GPAT2: variants seen among roughly 807,000 people sequenced by gnomAD.
The protein encoded by GPAT2 is glycerol-3-phosphate acyltransferase 2, mitochondrial.
A neutral mutation model predicts 71.0 loss-of-function variants in GPAT2; 51 were observed. That is an observed-to-expected ratio of 0.72 (90% CI 0.57 to 0.91). GPAT2 has a LOEUF of 0.91. Ranked by LOEUF, GPAT2 falls within the 40% of genes least tolerant of loss-of-function variation. The pLI is 0.00. For synonymous variants in GPAT2, 222 were observed against 290.3 expected (o/e 0.76, Z 2.39); for missense variants, 511 against 666.0 (o/e 0.77, Z 2.56).
chr2:96,025,815 C>G (rs1312308676), intron 12 of GPAT2, 115 bp downstream of exon 12: 2 of 1,256,266 alleles, frequency 1.6e-6, no homozygotes, highest in East Asian at 4.7e-5. Context: ...TTCTAGATGA[C>G]CCCAGGATAC....
rs957557693 is a variant in GPAT2 at position 96,024,107 on chromosome 2, G to A, written c.1836+82C>T. On this transcript the variant is annotated intron_variant, in intron 16 of 21. Transcript: ENST00000434632. ...ACCTACTACCCAGGAGGTTTCAGAG[G>A]TAGAGCATGGGCAGGGATGGGCCAT... The A allele has an allele frequency of 1.3e-5, 21 of 1,571,544 alleles. No homozygotes were observed. In the African/African-American group the frequency reaches 1.8e-4, roughly 13 times the overall value.
rs1435591348 is a variant in GPAT2 at position 96,023,194 on chromosome 2, A to G, written c.2079T>C (p.Phe693=). 4 of 1,602,686 alleles carry G rather than the reference A, an allele frequency of 2.5e-6. No individual in the cohort carries two copies. The East Asian group carries it at 9.0e-5, about 36-fold the overall frequency. The change falls in exon 19 of 22, where the codon TTT becomes TTC. Residue 693 remains phenylalanine, a synonymous_variant. Transcript: ENST00000434632. ...GGCTGAGCAGGCGGCAGAGGAAAAG[A>G]AAGAAATCTGGGCAGTGTGACTGCT... ...LSQQSHCPDF[F]LFLCRLLSPL... is the part of the protein sequence containing the mutation.
At chr2:96,033,782 T>C (rs1680827060) in intron 1 of GPAT2, among the ~76,000 whole-genome samples, 1 of 122,896 alleles carries the variant, frequency 8.1e-6, no homozygotes, top group African/African-American at 3.1e-5. Flanking sequence ...GTCTGTCCCC[T>C]AGCTGCAGAC....
Position 96,023,977 on chromosome 2 carries a change from G to A in GPAT2, c.1860C>T (p.Tyr620=). Residue 620 remains tyrosine (Y), a synonymous_variant, in exon 17 of 22, where the codon TAC becomes TAT. Coordinates refer to ENST00000434632, the MANE Select transcript of GPAT2 (RefSeq NM_001321527.2). ...TGAGCCGGTCCAGCACCTCCTGACA[G>A]TAGCAGTAGGAAGACTGGCAGGGCT... The part of the protein sequence containing the change: ...LLKPCQSSYC[Y]CQEVLDRLIQ... 1 of 1,605,490 alleles carries A rather than the reference G, an allele frequency of 6.2e-7. No homozygotes were observed.
At chr2:96,025,751 C>T in intron 12 of GPAT2, 148 bp from the exon 13 acceptor site, 2 of 1,361,528 alleles carry the variant, frequency 1.5e-6, no homozygotes, top group South Asian at 1.3e-5. Flanking sequence ...CCCATCCAGG[C>T]CTCTGTGCCA....
In GPAT2 at chr2:96,023,948, T is replaced by C. The variant is rs1212041101; in HGVS notation, c.1889A>G (p.Gln630Arg). 1.6e-5 allele frequency: 26 copies of C among 1,605,874 alleles called. No homozygotes were observed. Among genetic ancestry groups the C allele is most frequent in the Non-Finnish European group, 1.9e-5 (22 of 1,176,638 alleles). ...YCQEVLDRLI[Q>R]CGLLVAEETP... ...CTCCTCAGCAACCAGGAGCCCGCAT[T>C]GGATGAGCCGGTCCAGCACCTCCTG... Residue 630 changes from glutamine (Q) to arginine (R), a missense_variant, in exon 17 of 22, where the codon CAA becomes CGA. Gln to Arg is a conservative substitution (Grantham distance 43). This residue lies in a region of GPAT2 where 295 missense variants were observed against 305.5 expected (regional missense o/e 0.97). Transcript: ENST00000434632.
Position 96,026,350 on chromosome 2 carries a change from C to T in GPAT2, c.1033-45G>A. The T allele has an allele frequency of 4.2e-6, 6 of 1,432,124 alleles. No homozygotes were observed. The South Asian group carries it at 8.8e-5, about 21-fold the overall frequency. The allele number at this position is 1,432,124 out of a possible 1,614,324, so 88.7% of individuals were successfully genotyped here. A position where few individuals can be genotyped will look rare whatever the true frequency, so the allele number is the denominator to read the frequency against. On this transcript the variant is annotated intron_variant, in intron 10 of 21. Coordinates refer to ENST00000434632, the MANE Select transcript of GPAT2 (RefSeq NM_001321527.2). ...AACTATACTCGCCGAGGACACTGCT[C>T]TCGGGCGGACATCAGGGCTGCCCAC...
chr2:96,025,275 G>A (rs1306925708), intron 13 of GPAT2: 14 of 657,238 alleles, frequency 2.1e-5, no homozygotes, highest in Non-Finnish European at 3.0e-5. Context: ...CACCATCTTT[G>A]TGCATGCACT....
Position 96,026,182 on chromosome 2 carries a change from C to T in GPAT2, c.1155+1G>A. 3 of 1,604,010 alleles carry T rather than the reference C, an allele frequency of 1.9e-6. No homozygotes were observed. The highest frequency in any genetic ancestry group is 2.2e-5 in the East Asian group (1 of 44,732). On this transcript the variant is annotated splice_donor_variant, in intron 11 of 21. Coordinates refer to ENST00000434632, the MANE Select transcript of GPAT2 (RefSeq NM_001321527.2). LOFTEE classifies it high-confidence loss of function. ...CCAGCCTTCCCCAGCTGGCTCCATA[C>T]CTGCAGGGAAAAGGGCTGAGCTAGG...
chr2:96,023,577 A>G, intron 17 of GPAT2, 137 bp from the exon 18 acceptor site: 1 of 921,186 alleles, frequency 1.1e-6, no homozygotes. Flanking sequence ...ATGCCCCAGC[A>G]CCTGCTGGGC....
chr2:96,023,097 G>A lies in GPAT2; in HGVS notation c.2167+9C>T. 1 of 1,613,266 alleles carries A rather than the reference G, an allele frequency of 6.2e-7. No homozygotes were observed. Among genetic ancestry groups the A allele is most frequent in the Non-Finnish European group, 8.5e-7 (1 of 1,179,330 alleles). ...TGCCTCGAGGACTGCAAGGGAACAAGGGCCTCACCAGTATCGGGCAGCTGG... is the reference window on the plus strand; with the variant it reads ...TGCCTCGAGGACTGCAAGGGAACAAAGGCCTCACCAGTATCGGGCAGCTGG... On this transcript the variant is annotated intron_variant, in intron 19 of 21. Coordinates refer to ENST00000434632, the MANE Select transcript of GPAT2 (RefSeq NM_001321527.2).
At position 96,022,178 on chromosome 2, in the gene GPAT2, C is replaced by T. The variant is rs527435241; in HGVS notation, c.2387G>A (p.Arg796Gln). The T allele has an allele frequency of 2.5e-5, 41 of 1,610,826 alleles. No individual in the cohort carries two copies. Among genetic ancestry groups the T allele is most frequent in the Admixed American group, 2.2e-4 (13 of 59,898 alleles). The change falls in exon 22 of 22, where the codon CGG (arginine) becomes CAG (glutamine). Residue 796 changes from arginine (R) to glutamine (Q), a missense_variant. By Grantham distance (43) the Arg-to-Gln change is conservative. This residue lies in a region of GPAT2 where 108 missense variants were observed against 117.6 expected (regional missense o/e 0.92). Coordinates refer to ENST00000434632, the MANE Select transcript of GPAT2 (RefSeq NM_001321527.2). ...DNQEKLEQFI[R>Q]QFICS ...ACAGTTCTAGCTACAAATGAACTGC[C>T]GGATGAACTGTTCTAGTTTTTCCTG...
At chr2:96,023,475 T>C (rs1411443588) in intron 17 of GPAT2, 35 bp from the exon 18 acceptor site, 1 of 1,612,116 alleles carries the variant, frequency 6.2e-7, no homozygotes, top group East Asian at 2.2e-5. Context: ...TCTGACAAGC[T>C]GGCCAGGGAT....
At chr2:96,024,733 C>T (rs770099689) in intron 14 of GPAT2, 40 bp downstream of exon 14, 1 of 1,613,272 alleles carries the variant, frequency 6.2e-7, no homozygotes, top group South Asian at 1.1e-5. Context: ...CATCGCCACC[C>T]CCCCCACCGC....
Position 96,023,030 on chromosome 2 carries a change from A to G in GPAT2, c.2168-7T>C, listed in dbSNP as rs1235975858. ...TGCTCTGTGTAGCCCAACTCTGCAG[A>G]AGAGAGAAGACCTAGACCTGGCACC... On this transcript the variant is annotated splice_polypyrimidine_tract_variant and splice_region_variant and intron_variant, in intron 19 of 21. Coordinates refer to ENST00000434632, the MANE Select transcript of GPAT2 (RefSeq NM_001321527.2). The G allele has an allele frequency of 6.2e-7, 1 of 1,613,974 alleles. No homozygotes were observed. Among genetic ancestry groups the G allele is most frequent in the Admixed American group, 1.7e-5 (1 of 60,026 alleles).
intron 19 of GPAT2, 39 bp downstream of exon 19, chr2:96,023,067 C>G: frequency 2.5e-6 from 4 of 1,613,994 alleles, no homozygotes; most frequent in Non-Finnish European, 3.4e-6. Flanking sequence ...AGCACAGACA[C>G]AGCCTGCCTC....
chr2:96,033,777 T>C (rs1246682148), intron 1 of GPAT2, among the ~76,000 whole-genome samples: 2 of 121,346 alleles, frequency 1.6e-5, no homozygotes, highest in Admixed American at 1.8e-4. Context: ...AGGGTGTCTG[T>C]CCCCTAGCTG....
chr2:96,034,072 T>C (rs1680872451), intron 1 of GPAT2, among the ~76,000 whole-genome samples: 3 of 150,194 alleles, frequency 2.0e-5, no homozygotes, highest in South Asian at 2.1e-4. Flanking sequence ...CATATATACA[T>C]ATAATACATA....
chr2:96,028,680 TC>T (rs1680502186), intron 6 of GPAT2, among the ~76,000 whole-genome samples: 3 of 128,778 alleles, frequency 2.3e-5, no homozygotes, highest in African/African-American at 6.0e-5. Context: ...CAAGCGATCC[TC>T]CCACCTCAGC....
Sources: allele counts gnomAD v4.1 joint callset (sites outside exome capture counted in the v4.1 genomes callset), GRCh38; gene constraint gnomAD v4.1.1; regional missense constraint gnomAD v4.1.1; transcripts MANE v1.5; gene names NCBI Gene and HGNC (gene_info 2026-07-23, HGNC 2026-07-21).